Variants in MACROD2 observed in about 807,000 individuals in gnomAD.
MACROD2 encodes the protein mono-ADP ribosylhydrolase 2, also known as ADP-ribose glycohydrolase MACROD2.
Under a neutral mutation model 70.4 loss-of-function variants are expected in MACROD2, and 36 were observed. That is an observed-to-expected ratio of 0.51 (90% CI 0.39 to 0.68). The LOEUF (loss-of-function observed/expected upper bound fraction) is 0.68, where lower values mean the gene tolerates loss of function less well. Ranked by LOEUF, MACROD2 falls within the 30% of genes least tolerant of loss-of-function variation. The probability of loss-of-function intolerance (pLI) is 0.00; values close to 1 mark genes in which losing one functional copy is unlikely to be tolerated. For synonymous variants in MACROD2, 172 were observed against 178.8 expected (o/e 0.96, Z 0.30); for missense variants, 496 against 538.4 (o/e 0.92, Z 0.78).
chr20:14,478,896 T>C (rs772534808), intron 3 of MACROD2, among the ~76,000 whole-genome samples: 3 of 152,028 alleles, frequency 2.0e-5, no homozygotes, highest in Non-Finnish European at 4.4e-5. Flanking sequence ...GGGTCTATAC[T>C]GTGATGCCTG....
chr20:15,348,770 G>GC (rs993405599), intron 6 of MACROD2, among the ~76,000 whole-genome samples: 26 of 151,990 alleles, frequency 1.7e-4, no homozygotes, highest in Non-Finnish European at 3.1e-4. Context: ...GGAAAGACCT[G>GC]CCCCCGTGTT....
chr20:14,831,458 T>C (rs1367096716), intron 5 of MACROD2, among the ~76,000 whole-genome samples: 2 of 151,928 alleles, frequency 1.3e-5, no homozygotes, highest in Non-Finnish European at 2.9e-5. Flanking sequence ...CCAATCCTCC[T>C]GCCTACCTTA....
At chr20:15,826,598 G>A (rs1428807678) in intron 8 of MACROD2, among the ~76,000 whole-genome samples, 1 of 152,182 alleles carries the variant, frequency 6.6e-6, no homozygotes. Flanking sequence ...CAATGGATTT[G>A]TTTTTTACAA....
At chr20:14,944,887 T>C (rs1299124747) in intron 5 of MACROD2, among the ~76,000 whole-genome samples, 5 of 152,114 alleles carry the variant, frequency 3.3e-5, no homozygotes, top group African/African-American at 9.7e-5. Flanking sequence ...ACTTCCACCA[T>C]GACTTTTCTG....
chr20:14,524,754 T>G (rs535619448), intron 4 of MACROD2, among the ~76,000 whole-genome samples: 177 of 152,314 alleles, frequency 1.2e-3, no homozygotes, highest in South Asian at 3.5e-3. Flanking sequence ...CCACCTTCAC[T>G]GATGCTCCTC....
At chr20:14,479,413 C>T (rs1291729874) in intron 3 of MACROD2, among the ~76,000 whole-genome samples, 5 of 152,108 alleles carry the variant, frequency 3.3e-5, no homozygotes, top group East Asian at 1.9e-4. Context: ...TTCAGTGGGG[C>T]TCCTCTTCAA....
At chr20:14,682,996 C>T (rs2070952747) in intron 4 of MACROD2, among the ~76,000 whole-genome samples, 1 of 152,138 alleles carries the variant, frequency 6.6e-6, no homozygotes, top group South Asian at 2.1e-4. Context: ...TCTCCTGCCT[C>T]AGCCTCCTGA....
intron 7 of MACROD2, among the ~76,000 whole-genome samples, chr20:15,468,400 T>G (rs1345170272): frequency 2.0e-5 from 3 of 152,230 alleles, no homozygotes; most frequent in South Asian, 2.1e-4. Flanking sequence ...TATCCTGGTG[T>G]TGTTCCTGTT....
chr20:15,830,099 T>C (rs972273894), intron 8 of MACROD2, among the ~76,000 whole-genome samples: 1 of 152,110 alleles, frequency 6.6e-6, no homozygotes, highest in African/African-American at 2.4e-5. Flanking sequence ...CTCATGAAAG[T>C]GCAAGTGGTG....
intron 12 of MACROD2, among the ~76,000 whole-genome samples, chr20:15,941,840 A>T (rs980230844): frequency 6.6e-6 from 1 of 152,136 alleles, no homozygotes; most frequent in Admixed American, 6.5e-5. Context: ...TCTCTTTCTA[A>T]TAAAACTCCC....
At chr20:14,066,405 A>G (rs559268150) in intron 2 of MACROD2, among the ~76,000 whole-genome samples, 24 of 152,352 alleles carry the variant, frequency 1.6e-4, no homozygotes, top group African/African-American at 5.5e-4. Flanking sequence ...TCTTACAGAA[A>G]TGTTCACTGT....
intron 3 of MACROD2, among the ~76,000 whole-genome samples, chr20:14,265,776 C>CTTTT (rs11478087): frequency 1.7e-5 from 2 of 114,992 alleles, no homozygotes. Flanking sequence ...CCGCCTTGTC[C>CTTTT]TTTTTTTTTT....
At chr20:14,476,028 T>G (rs1169965613) in intron 3 of MACROD2, among the ~76,000 whole-genome samples, 2 of 152,076 alleles carry the variant, frequency 1.3e-5, no homozygotes, top group Non-Finnish European at 2.9e-5. Flanking sequence ...TAGAAAATAT[T>G]TTAGAAGTCA....
chr20:15,351,602 A>G (rs1258158119), intron 6 of MACROD2, among the ~76,000 whole-genome samples: 1 of 152,064 alleles, frequency 6.6e-6, no homozygotes, highest in Non-Finnish European at 1.5e-5. Context: ...TCCCTCTAAA[A>G]AGTCATAGCT....
chr20:14,134,912 A>G (rs1406286070), intron 3 of MACROD2, among the ~76,000 whole-genome samples: 1 of 152,098 alleles, frequency 6.6e-6, no homozygotes, highest in Non-Finnish European at 1.5e-5. Context: ...TATAACCATG[A>G]AGCTATTTCC....
rs2081527161 is a variant in MACROD2, at chr20:14,206,722, G to A, written c.271+120994G>A. On this transcript the variant is annotated intron_variant, in intron 3 of 17. Transcript: ENST00000684519. ...GTCGTCATGGTTATCAATGTTTTAGGCCTCATAAAGATGGTAGGGATTGGA... is the reference window on the plus strand; with the variant it reads ...GTCGTCATGGTTATCAATGTTTTAGACCTCATAAAGATGGTAGGGATTGGA... Among the ~76,000 whole-genome samples, 3 of 151,096 alleles carry A rather than the reference G, an allele frequency of 2.0e-5. No homozygotes were observed. The East Asian group carries it at 5.8e-4, about 29-fold the overall frequency.
At chr20:15,925,904 A>G (rs2065482034) in intron 10 of MACROD2, among the ~76,000 whole-genome samples, 1 of 152,200 alleles carries the variant, frequency 6.6e-6, no homozygotes, top group Admixed American at 6.5e-5. Flanking sequence ...CTAACCCATG[A>G]AGCTTGCACC....
At chr20:15,353,219 C>A (rs1389692507) in intron 6 of MACROD2, among the ~76,000 whole-genome samples, 31 of 152,130 alleles carry the variant, frequency 2.0e-4, no homozygotes, top group Non-Finnish European at 7.4e-5. Flanking sequence ...ACTATCTGAT[C>A]TTTGACAAAC....
chr20:15,199,869 T>C (rs2076640514), intron 5 of MACROD2, among the ~76,000 whole-genome samples: 1 of 152,214 alleles, frequency 6.6e-6, no homozygotes, highest in South Asian at 2.1e-4. Context: ...TGGTCATTAC[T>C]ATCATTAGCA....
Sources: gnomAD v4.1 joint callset for allele counts (sites outside exome capture counted in the v4.1 genomes callset) on GRCh38, gnomAD v4.1.1 for gene constraint, MANE v1.5 for transcripts, NCBI Gene and HGNC (gene_info 2026-07-23, HGNC 2026-07-21) for gene names.